The following MINK1 variants were observed in gnomAD, a reference collection of about 807,000 sequenced individuals.
MINK1 encodes the protein misshapen-like kinase 1.
MINK1 carries 46 observed loss-of-function variants against 178.4 expected under a neutral mutation model. That is an observed-to-expected ratio of 0.26 (90% CI 0.20 to 0.33). The LOEUF is 0.33. Ranked by LOEUF, MINK1 falls within the 10% of genes least tolerant of loss-of-function variation. The pLI, the probability that MINK1 is intolerant of heterozygous loss-of-function variation, is 1.00. For synonymous variants in MINK1, 797 were observed against 709.7 expected (o/e 1.12, Z -1.96); for missense variants, 1,366 against 1,814.9 (o/e 0.75, Z 4.49).
intron 1 of MINK1, among the ~76,000 whole-genome samples, chr17:4,856,080 G>C (rs1383174487): frequency 1.3e-5 from 2 of 152,108 alleles, no homozygotes; most frequent in African/African-American, 4.8e-5. Flanking sequence ...TCAGTGGAGA[G>C]ATGCTGGTGA....
At position 4,887,530 on chromosome 17, in the gene MINK1, G is replaced by A; in HGVS notation, c.1020-50G>A. ...GGCGGGCCCACGGGGTTGAGAGTGGGAACCAACAGGGTTCTGACCCCAGTG... is the reference window on the plus strand; with the variant it reads ...GGCGGGCCCACGGGGTTGAGAGTGGAAACCAACAGGGTTCTGACCCCAGTG... On this transcript the variant is annotated intron_variant, in intron 11 of 31. Coordinates refer to ENST00000355280, the MANE Select transcript of MINK1 (RefSeq NM_153827.5). This position sits in a 1 kb window ranked among gnomAD's most constrained non-coding sequence, Gnocchi z 7.6. 1 of 1,443,608 alleles carries A rather than the reference G, an allele frequency of 6.9e-7. No individual in the cohort carries two copies. The highest frequency in any genetic ancestry group is 1.5e-5 in the South Asian group (1 of 67,662). The allele number at this position is 1,443,608 out of a possible 1,614,324, so 89.4% of individuals were successfully genotyped here.
At position 4,895,965 on chromosome 17, in the gene MINK1, A is replaced by T; in HGVS notation, c.3365-38A>T. The T allele has an allele frequency of 6.4e-7, 1 of 1,573,314 alleles. No individual in the cohort carries two copies. Among genetic ancestry groups the T allele is most frequent in the Non-Finnish European group, 8.6e-7 (1 of 1,159,532 alleles). On this transcript the variant is annotated intron_variant, in intron 27 of 31. Transcript: ENST00000355280. The surrounding 1 kb of genome is among the most constrained non-coding windows in gnomAD (Gnocchi z 4.3). ...ACGGGGAGGCGCCCGTGGCGCAAGA[A>T]GGGAAGTCTCAGCATCCCTCTTCTC...
rs554238029 is a variant in MINK1, at chr17:4,835,231, AT to A, written c.57+1592del. ...CCAGATTCTGAGTAAAAGTCCCTTAATGTGCTCCATTCTGGGATGAACTTCC... is the reference window on the plus strand; with the variant it reads ...CCAGATTCTGAGTAAAAGTCCCTTAAGTGCTCCATTCTGGGATGAACTTCC... On this transcript the variant is annotated intron_variant, in intron 1 of 31. Transcript: ENST00000355280. 7.9e-5 allele frequency among the ~76,000 whole-genome samples: 12 copies of A among 152,292 alleles called. No homozygotes were observed. The South Asian group carries it at 2.5e-3, about 32-fold the overall frequency.
In MINK1 at chr17:4,896,142, C is replaced by T. The variant is rs1371649317; in HGVS notation, c.3465+39C>T. On this transcript the variant is annotated intron_variant, in intron 28 of 31. Transcript: ENST00000355280. This position sits in a 1 kb window ranked among gnomAD's most constrained non-coding sequence, Gnocchi z 4.6. ...CGGTCCCTAACACCATCTGGAGTCC[C>T]AGCGCCTCTCCCCGTGCCCCTGAGC... 2 of 1,605,856 alleles carry T rather than the reference C, an allele frequency of 1.2e-6. No individual in the cohort carries two copies. Among genetic ancestry groups the T allele is most frequent in the East Asian group, 2.2e-5 (1 of 44,674 alleles).
chr17:4,838,665 G>A (rs1354432730), intron 1 of MINK1, among the ~76,000 whole-genome samples: 1 of 152,160 alleles, frequency 6.6e-6, no homozygotes, highest in Non-Finnish European at 1.5e-5. Flanking sequence ...TCTCAACCCA[G>A]AAACATAAAG....
chr17:4,873,852 T>G (rs1966927688), intron 1 of MINK1, among the ~76,000 whole-genome samples: 1 of 151,996 alleles, frequency 6.6e-6, no homozygotes, highest in Non-Finnish European at 1.5e-5. Flanking sequence ...ACTCCTGACG[T>G]CTGATGATCC....
intron 17 of MINK1, 73 bp from the exon 18 acceptor site, chr17:4,892,329 G>T (rs1968914682): frequency 1.4e-6 from 2 of 1,422,796 alleles, no homozygotes; most frequent in Non-Finnish European, 1.9e-6. Context: ...CCGCCTGGGG[G>T]TGGGAAAGCC....
At chr17:4,872,493 C>CT (rs753683769) in intron 1 of MINK1, among the ~76,000 whole-genome samples, 7 of 151,942 alleles carry the variant, frequency 4.6e-5, no homozygotes, top group Non-Finnish European at 1.0e-4. Flanking sequence ...CAAAAATTGG[C>CT]TGAGCGCAGT....
chr17:4,878,662 A>G (rs553827847), intron 2 of MINK1, among the ~76,000 whole-genome samples: 1 of 152,332 alleles, frequency 6.6e-6, no homozygotes, highest in South Asian at 2.1e-4. Flanking sequence ...GTGGAAGGGC[A>G]TACGGCCTTG....
chr17:4,849,635 C>T (rs1357321735), intron 1 of MINK1, among the ~76,000 whole-genome samples: 3 of 152,104 alleles, frequency 2.0e-5, no homozygotes, highest in South Asian at 4.2e-4. Context: ...TGCAATGGTG[C>T]GATCTTGGCT....
In MINK1 at chr17:4,896,798, T is replaced by G. The variant is rs774915422; in HGVS notation, c.3900T>G (p.Cys1300Trp). ...HKRAQRLKFL[C>W]ERNDKVFFAS... The stretch of plus-strand genomic sequence containing the variant: ...GAGCTCAGAGGCTCAAGTTCCTGTG[T>G]GAGCGGAATGACAAGGTGGGAGGCT... The change falls in exon 31 of 32, where the codon TGT becomes TGG. Residue 1300 changes from cysteine to tryptophan, a missense_variant. By Grantham distance (215) the Cys-to-Trp change is radical. Coordinates refer to ENST00000355280, the MANE Select transcript of MINK1 (RefSeq NM_153827.5). This position sits in a 1 kb window ranked among gnomAD's most constrained non-coding sequence, Gnocchi z 4.6. The G allele has an allele frequency of 6.4e-7, 1 of 1,567,500 alleles. No individual in the cohort carries two copies. The highest frequency in any genetic ancestry group is 2.2e-5 in the East Asian group (1 of 44,592).
At chr17:4,861,546 G>A (rs954725715) in intron 1 of MINK1, 1 of 167,754 alleles carries the variant, frequency 6.0e-6, no homozygotes, top group African/African-American at 2.4e-5. Context: ...TGTTGCCCAA[G>A]GTGGATTGCA....
In MINK1 at chr17:4,895,827, G is replaced by A. The variant is rs749860786; in HGVS notation, c.3359G>A (p.Arg1120His). The change falls in exon 27 of 32, where the codon CGT becomes CAT. Residue 1120 changes from arginine (R) to histidine (H), a missense_variant. By Grantham distance (29) the Arg-to-His change is conservative (BLOSUM62 0). Coordinates refer to ENST00000355280, the MANE Select transcript of MINK1 (RefSeq NM_153827.5). The surrounding 1 kb of genome is among the most constrained non-coding windows in gnomAD (Gnocchi z 4.3). ...GACATGGAGGGCTGCGGGCACTACC[G>A]TGTTGGTGAGGATGTCCCAACAGAG... ...VGDMEGCGHY[R>H]VVKYERIKFL... 5 of 1,613,274 alleles carry A rather than the reference G, an allele frequency of 3.1e-6. No homozygotes were observed. Among genetic ancestry groups the A allele is most frequent in the African/African-American group, 1.3e-5 (1 of 74,918 alleles).
rs150929396 is a variant in MINK1 at position 4,871,492 on chromosome 17, A to G, written c.58-6825A>G. 6.5e-4 allele frequency among the ~76,000 whole-genome samples: 99 copies of G among 152,214 alleles called. 3 individuals carry two copies. The East Asian group carries it at 0.019, about 29-fold the overall frequency. ...CTCCCAAAGTGCTGGGGTTATAGAC[A>G]TGAGCCACCATACCTGGTCTTCATT... is the stretch of plus-strand genomic sequence containing the variant. On this transcript the variant is annotated intron_variant, in intron 1 of 31. Transcript: ENST00000355280.
chr17:4,875,313 G>T (rs1032123762), intron 1 of MINK1, among the ~76,000 whole-genome samples: 2 of 152,058 alleles, frequency 1.3e-5, no homozygotes, highest in African/African-American at 4.8e-5. Flanking sequence ...ATTTACACCC[G>T]TTAAATATTG....
In MINK1 at chr17:4,833,566, C is replaced by T; in HGVS notation, c.-18C>T. Reference sequence around the variant, plus strand: ...CCGGAGCGTGAGCGGCCCCGGTGCCCCGTTCCCCACGGAGGCCATGGGCGA... The same window carrying T: ...CCGGAGCGTGAGCGGCCCCGGTGCCTCGTTCCCCACGGAGGCCATGGGCGA... On this transcript the variant is annotated 5_prime_UTR_variant, in exon 1 of 32. Transcript: ENST00000355280. The surrounding 1 kb of genome is among the most constrained non-coding windows in gnomAD (Gnocchi z 4.8). 2.7e-6 allele frequency: 4 copies of T among 1,494,976 alleles called. No homozygotes were observed. The highest frequency in any genetic ancestry group is 3.5e-6 in the Non-Finnish European group (4 of 1,127,520). The allele number at this position is 1,494,976 out of a possible 1,614,324, so 92.6% of individuals were successfully genotyped here.
At chr17:4,843,623 T>A (rs921357137) in intron 1 of MINK1, among the ~76,000 whole-genome samples, 7 of 151,584 alleles carry the variant, frequency 4.6e-5, no homozygotes, top group African/African-American at 1.7e-4. Flanking sequence ...CAGAAGGGGG[T>A]GTTTGGGGTT....
rs9914357 is a variant in MINK1 at position 4,897,830 on chromosome 17, C to G, written c.*543C>G. The G allele has an allele frequency of 0.15, 23,101 of 151,546 alleles. 2,825 individuals carry two copies. The highest frequency in any genetic ancestry group is 0.34 in the East Asian group (1,706 of 5,090). The allele number at this position is 151,546 out of a possible 1,614,324, so 9.4% of individuals were successfully genotyped here. On this transcript the variant is annotated 3_prime_UTR_variant, in exon 32 of 32. Transcript: ENST00000355280. ...CAAACTCCAGGGAATGGAGGGGGGA[C>G]CCCGCCAGCCAAAACATTCCCCCCA...
Position 4,836,843 on chromosome 17 carries a change from A to T in MINK1, c.57+3203A>T, listed in dbSNP as rs989829842. Among the ~76,000 whole-genome samples, 1 of 152,052 alleles carries T rather than the reference A, an allele frequency of 6.6e-6. No individual in the cohort carries two copies. Among genetic ancestry groups the T allele is most frequent in the South Asian group, 2.1e-4 (1 of 4,818 alleles). On this transcript the variant is annotated intron_variant, in intron 1 of 31. Coordinates refer to ENST00000355280, the MANE Select transcript of MINK1 (RefSeq NM_153827.5). The surrounding 1 kb of genome is among the most constrained non-coding windows in gnomAD (Gnocchi z 4.3). Reference sequence around the variant, plus strand: ...TGCTTTATCCTTCCTCATAGTATTTATCACCAGCTGACATATATATTCCTG... The same window carrying T: ...TGCTTTATCCTTCCTCATAGTATTTTTCACCAGCTGACATATATATTCCTG...
Sources: allele counts gnomAD v4.1 joint callset (sites outside exome capture counted in the v4.1 genomes callset), GRCh38; gene constraint gnomAD v4.1.1; non-coding constraint Gnocchi (gnomAD v3.1); transcripts MANE v1.5; gene names NCBI Gene and HGNC (gene_info 2026-07-23, HGNC 2026-07-21).